Variants in EFCAB10 observed in about 807,000 individuals in gnomAD.
EFCAB10 encodes EF-hand calcium-binding domain-containing protein 10.
A neutral mutation model predicts 7.7 loss-of-function variants in EFCAB10; 7 were observed. That is an observed-to-expected ratio of 0.91 (90% CI 0.52 to 1.72). The LOEUF (loss-of-function observed/expected upper bound fraction) is 1.72. EFCAB10 is among the 40% of genes most tolerant of loss of function. The pLI is 0.00. For missense variants in EFCAB10, 112 were observed against 61.5 expected (o/e 1.82, Z -2.74); for synonymous variants, 52 against 21.0 (o/e 2.47, Z -4.03).
At chr7:105,576,562 C>T (rs963971105) in intron 1 of EFCAB10, among the ~76,000 whole-genome samples, 2 of 152,200 alleles carry the variant, frequency 1.3e-5, no homozygotes, top group African/African-American at 4.8e-5. Flanking sequence ...TCTGCCTCAG[C>T]CTCCTGAATA....
intron 1 of EFCAB10, among the ~76,000 whole-genome samples, chr7:105,575,555 G>A (rs1246002136): frequency 6.6e-6 from 1 of 152,088 alleles, no homozygotes; most frequent in Non-Finnish European, 1.5e-5. Flanking sequence ...TTTCAGGTCA[G>A]GTCAGGTCTT....
chr7:105,569,327 A>C, intron 2 of EFCAB10, 37 bp from the exon 3 acceptor site: 1 of 695,006 alleles, frequency 1.4e-6, no homozygotes, highest in Admixed American at 2.1e-5. Context: ...TGAGAATTTT[A>C]CAAAGTGAGA....
chr7:105,566,446 C>T (rs941980630), intron 4 of EFCAB10: 1 of 152,114 alleles, frequency 6.6e-6, no homozygotes, highest in Non-Finnish European at 1.5e-5. Flanking sequence ...TTGCTTGAGG[C>T]CAGCTGTTTG....
At chr7:105,573,146 G>A (rs1031178398) in intron 1 of EFCAB10, 2 of 151,724 alleles carry the variant, frequency 1.3e-5, no homozygotes, top group East Asian at 3.9e-4. Context: ...TAATTTATAG[G>A]TTTCCACTGC....
At chr7:105,567,193 C>A (rs764177063) in intron 4 of EFCAB10, 1 of 1,612,660 alleles carries the variant, frequency 6.2e-7, no homozygotes, top group Non-Finnish European at 8.5e-7. Context: ...CTGCAGTCAG[C>A]TTCAGGGCAG....
chr7:105,566,297 T>C (rs1241506554), intron 4 of EFCAB10: 1 of 152,102 alleles, frequency 6.6e-6, no homozygotes, highest in East Asian at 1.9e-4. Flanking sequence ...TGAAAGAAAT[T>C]TGTTTCCTTA....
At chr7:105,571,269 T>C (rs571262941) in intron 1 of EFCAB10, 1 of 152,220 alleles carries the variant, frequency 6.6e-6, no homozygotes, top group Non-Finnish European at 1.5e-5. Flanking sequence ...GTTCATTTTA[T>C]GCAATTCTGA....
chr7:105,570,362 CAT>C (rs1177785136), intron 1 of EFCAB10, among the ~76,000 whole-genome samples: 12 of 147,638 alleles, frequency 8.1e-5, no homozygotes. Context: ...CCAGGAAGCA[CAT>C]GTACTCATTT....
rs537075869 is a variant in EFCAB10, at chr7:105,580,651, T to A, written c.106+707A>T. Among the ~76,000 whole-genome samples the A allele has an allele frequency of 9.9e-5, 15 of 152,184 alleles. No homozygotes were observed. In the East Asian group the frequency reaches 2.9e-3, roughly 29 times the overall value. ...ATTGGTTGGGTGTTTTTTGGCAAAA[T>A]TGGAATGTTTGGTATTTCCACTTCC... is the stretch of plus-strand genomic sequence containing the variant. On this transcript the variant is annotated intron_variant, in intron 1 of 4. Coordinates refer to ENST00000480514, the MANE Select transcript of EFCAB10 (RefSeq NM_001355526.2).
At chr7:105,579,852 T>G (rs1016541671) in intron 1 of EFCAB10, among the ~76,000 whole-genome samples, 1 of 152,238 alleles carries the variant, frequency 6.6e-6, no homozygotes, top group Non-Finnish European at 1.5e-5. Flanking sequence ...TTATAAGCTT[T>G]GGAGTACTTT....
chr7:105,570,898 G>T (rs1453181726), intron 1 of EFCAB10, among the ~76,000 whole-genome samples: 2 of 152,056 alleles, frequency 1.3e-5, no homozygotes, highest in Non-Finnish European at 2.9e-5. Flanking sequence ...GGTGACGGGT[G>T]CCTGTAGTCC....
chr7:105,574,291 C>A (rs1168245567), intron 1 of EFCAB10, among the ~76,000 whole-genome samples: 1 of 150,700 alleles, frequency 6.6e-6, no homozygotes, highest in Non-Finnish European at 1.5e-5. Flanking sequence ...TAAACAAATA[C>A]ATGTACTCTA....
Position 105,565,611 on chromosome 7 carries a change from T to G in EFCAB10, c.*-164A>C, listed in dbSNP as rs1060503047. 6.2e-6 allele frequency: 10 copies of G among 1,613,552 alleles called. No individual in the cohort carries two copies. Among genetic ancestry groups the G allele is most frequent in the Non-Finnish European group, 6.8e-6 (8 of 1,179,630 alleles). Reference sequence around the variant, plus strand: ...GACTCGGAATCTTTTCCCTTTGTTTTCTCACTATTGCAAGAGACCAGAAAA... The same window carrying G: ...GACTCGGAATCTTTTCCCTTTGTTTGCTCACTATTGCAAGAGACCAGAAAA... On this transcript the variant is annotated intron_variant, in intron 4 of 4. Transcript: ENST00000480514.
intron 1 of EFCAB10, among the ~76,000 whole-genome samples, chr7:105,577,713 CA>C (rs1427619937): frequency 6.9e-6 from 1 of 145,028 alleles, no homozygotes; most frequent in Non-Finnish European, 1.5e-5. Context: ...TTTGTCTGTT[CA>C]ATTTTTTTTT....
In EFCAB10 at chr7:105,567,299, T is replaced by C. The variant is rs775706636; in HGVS notation, c.383+168A>G. The stretch of plus-strand genomic sequence containing the variant: ...TTAATTTGAGGACAAATTGGCCTAA[T>C]ACTGGAAAATAATGTCTTTCAGAAA... On this transcript the variant is annotated intron_variant, in intron 4 of 4. Transcript: ENST00000480514. 3.1e-6 allele frequency: 5 copies of C among 1,592,796 alleles called. No individual in the cohort carries two copies. Among genetic ancestry groups the C allele is most frequent in the Admixed American group, 1.8e-5 (1 of 55,122 alleles).
chr7:105,569,303 G>A lies in EFCAB10; in HGVS notation c.272-13C>T, dbSNP rs1166474507. 6 of 697,352 alleles carry A rather than the reference G, an allele frequency of 8.6e-6. No individual in the cohort carries two copies. Among genetic ancestry groups the A allele is most frequent in the Non-Finnish European group, 1.6e-5 (6 of 383,804 alleles). 43.2% of individuals were successfully genotyped at this position (697,352 alleles called of 1,614,324 possible). A position where few individuals can be genotyped will look rare whatever the true frequency, so the allele number is the denominator to read the frequency against. ...AGGGTTTTTAGGGCTGTAAAATAAT[G>A]AGAAGAAATGAAGTGAGAATTTTAC... On this transcript the variant is annotated splice_polypyrimidine_tract_variant and intron_variant, in intron 2 of 4. Coordinates refer to ENST00000480514, the MANE Select transcript of EFCAB10 (RefSeq NM_001355526.2).
intron 1 of EFCAB10, 77 bp from the exon 2 acceptor site, chr7:105,569,648 A>T: frequency 1.5e-6 from 1 of 649,700 alleles, no homozygotes; most frequent in Middle Eastern, 3.2e-4. Flanking sequence ...TTTAACAATT[A>T]TTAAACAGCT....
Position 105,581,243 on chromosome 7 carries a change from A to T in EFCAB10, c.106+115T>A, listed in dbSNP as rs1170320548. 2.0e-5 allele frequency: 13 copies of T among 642,366 alleles called. No homozygotes were observed. In the South Asian group the frequency reaches 2.3e-4, roughly 11 times the overall value. 39.8% of individuals were successfully genotyped at this position (642,366 alleles called of 1,614,324 possible). A position where few individuals can be genotyped will look rare whatever the true frequency, so the allele number is the denominator to read the frequency against. On this transcript the variant is annotated intron_variant, in intron 1 of 4. Coordinates refer to ENST00000480514, the MANE Select transcript of EFCAB10 (RefSeq NM_001355526.2). The stretch of plus-strand genomic sequence containing the variant: ...GAAGGCCGCAGAGTTAATCAACAGC[A>T]GAAGGGCTCACGTGGCTGGGAGGCA...
At chr7:105,570,240 A>AATATATATATATATATATATAT (rs1190599721) in intron 1 of EFCAB10, among the ~76,000 whole-genome samples, 7 of 24,904 alleles carry the variant, frequency 2.8e-4, no homozygotes, top group Non-Finnish European at 5.5e-4. Flanking sequence ...AAAAAAAAAA[A>AATATATATATATATATATATAT]ATATATATAT....
Sources: allele counts gnomAD v4.1 joint callset (sites outside exome capture counted in the v4.1 genomes callset), GRCh38; gene constraint gnomAD v4.1.1; transcripts MANE v1.5; gene names NCBI Gene and HGNC (gene_info 2026-07-23, HGNC 2026-07-21).